ARHGEF9: variants seen among roughly 807,000 people sequenced by gnomAD.
The protein encoded by ARHGEF9 is rho guanine nucleotide exchange factor 9.
ARHGEF9 carries 2 observed loss-of-function variants against 41.3 expected under a neutral mutation model. That is an observed-to-expected ratio of 0.05 (90% CI 0.02 to 0.15). The LOEUF is 0.15. Ranked by LOEUF, ARHGEF9 falls within the 10% of genes least tolerant of loss-of-function variation. The pLI is 1.00. For missense variants in ARHGEF9, 225 were observed against 424.7 expected (o/e 0.53, Z 4.13); for synonymous variants, 160 against 154.4 (o/e 1.04, Z -0.27).
intron 2 of ARHGEF9, among the ~76,000 whole-genome samples, chrX:63,720,121 A>G (rs1251589068): frequency 8.9e-6 from 1 of 111,881 alleles, no homozygotes; most frequent in Admixed American, 9.5e-5. Context: ...TGATCTACAT[A>G]CAAACAGGAG....
intron 1 of ARHGEF9, among the ~76,000 whole-genome samples, chrX:63,759,015 C>G (rs1208122016): frequency 1.8e-5 from 2 of 111,321 alleles, no homozygotes; most frequent in Non-Finnish European, 3.8e-5. Flanking sequence ...TATCTTCCAA[C>G]CACAGAAGGC....
At chrX:63,696,076 T>C (rs2051728784) in intron 4 of ARHGEF9, among the ~76,000 whole-genome samples, 1 of 111,367 alleles carries the variant, frequency 9.0e-6, no homozygotes, top group Non-Finnish European at 1.9e-5. Context: ...ATCATAGCTA[T>C]GAGTATAAAC....
intron 1 of ARHGEF9, among the ~76,000 whole-genome samples, chrX:63,766,470 C>G: frequency 8.9e-6 from 1 of 111,926 alleles, no homozygotes; most frequent in Non-Finnish European, 1.9e-5. Context: ...TGCCTCTGTC[C>G]TCTCTTAGGG....
At chrX:63,718,180 G>A (rs2053427152) in intron 2 of ARHGEF9, among the ~76,000 whole-genome samples, 1 of 111,537 alleles carries the variant, frequency 9.0e-6, no homozygotes, top group Non-Finnish European at 1.9e-5. Flanking sequence ...ACTCCAGGAG[G>A]TGGCTGTTGC....
intron 8 of ARHGEF9, among the ~76,000 whole-genome samples, chrX:63,649,491 A>G (rs1556323532): frequency 8.9e-6 from 1 of 111,902 alleles, no homozygotes. Flanking sequence ...AAAGCAGGAA[A>G]GATCTTAAAT....
chrX:63,749,937 T>C (rs1323027977), intron 1 of ARHGEF9, among the ~76,000 whole-genome samples: 5 of 112,121 alleles, frequency 4.5e-5, no homozygotes, highest in Non-Finnish European at 9.4e-5. Flanking sequence ...GAGCAGATAC[T>C]GGAGAAGCTA....
intron 1 of ARHGEF9, among the ~76,000 whole-genome samples, chrX:63,730,471 C>T (rs782237957): frequency 8.9e-6 from 1 of 112,033 alleles, no homozygotes; most frequent in South Asian, 3.8e-4. Flanking sequence ...GGGGGACCAG[C>T]TCACCCTGTG....
chrX:63,646,856 C>T (rs1292116202), intron 8 of ARHGEF9, among the ~76,000 whole-genome samples: 1 of 111,612 alleles, frequency 9.0e-6, no homozygotes, highest in Non-Finnish European at 1.9e-5. Context: ...TTCTTCCTAC[C>T]CATGAGCATG....
rs1266367831 is a variant in ARHGEF9, at chrX:63,677,654, C to A, written c.815+686G>T. On this transcript the variant is annotated intron_variant, in intron 5 of 9. Transcript: ENST00000671741. ...GAGCTACTCTACTGTCACTCTGGAG[C>A]GCAAGGGGTGAGAGGAGAGGGAATC... Among the ~76,000 whole-genome samples the A allele has an allele frequency of 3.6e-5, 4 of 111,050 alleles. No individual in the cohort carries two copies. In the East Asian group the frequency reaches 1.1e-3, roughly 32 times the overall value.
chrX:63,755,246 T>C, intron 1 of ARHGEF9: 1 of 936,701 alleles, frequency 1.1e-6, no homozygotes, highest in South Asian at 5.9e-5. Context: ...GCACGTTCGC[T>C]GCCCAGGGGC....
intron 1 of ARHGEF9, among the ~76,000 whole-genome samples, chrX:63,737,721 C>T (rs1556424034): frequency 1.8e-5 from 2 of 111,965 alleles, no homozygotes; most frequent in Non-Finnish European, 3.8e-5. Context: ...TGCTAAGTTG[C>T]CTTCATATTC....
chrX:63,780,576 A>T (rs1171050071), intron 1 of ARHGEF9, among the ~76,000 whole-genome samples: 1 of 111,998 alleles, frequency 8.9e-6, no homozygotes, highest in African/African-American at 3.2e-5. Flanking sequence ...ATTTTAAACA[A>T]TGTTAGAAAT....
At chrX:63,702,305 G>A (rs1320904088) in intron 3 of ARHGEF9, among the ~76,000 whole-genome samples, 2 of 112,264 alleles carry the variant, frequency 1.8e-5, no homozygotes, top group Non-Finnish European at 3.8e-5. Flanking sequence ...TTCCTTGATT[G>A]TACTTTGAGT....
intron 1 of ARHGEF9, among the ~76,000 whole-genome samples, chrX:63,779,795 C>T (rs782395624): frequency 2.7e-5 from 3 of 111,823 alleles, no homozygotes; most frequent in East Asian, 2.8e-4. Context: ...TTTCTACAAT[C>T]GCAGGCATAT....
intron 2 of ARHGEF9, chrX:63,719,846 G>A (rs1159614998): frequency 1.0e-5 from 3 of 294,717 alleles, no homozygotes; most frequent in Non-Finnish European, 1.8e-5. Flanking sequence ...GGCTTTCCAG[G>A]CTGTGGCTGC....
At chrX:63,724,843 G>A (rs2053859946) in intron 1 of ARHGEF9, 132 bp from the exon 2 acceptor site, 1 of 621,366 alleles carries the variant, frequency 1.6e-6, no homozygotes, top group South Asian at 2.6e-5. Flanking sequence ...TGAGGGGGAT[G>A]GCACTGGAAC....
At chrX:63,749,889 A>G (rs1490985913) in intron 1 of ARHGEF9, among the ~76,000 whole-genome samples, 1 of 112,205 alleles carries the variant, frequency 8.9e-6, no homozygotes, top group Non-Finnish European at 1.9e-5. Flanking sequence ...TAAATACTCT[A>G]TGGAGCTAGA....
intron 9 of ARHGEF9, chrX:63,640,641 T>C (rs1556304883): frequency 8.9e-6 from 1 of 112,029 alleles, no homozygotes; most frequent in African/African-American, 3.2e-5. Flanking sequence ...GAAAAGGCCT[T>C]TCTTGGAGCT....
chrX:63,701,152 C>T (rs1425680312), intron 3 of ARHGEF9, among the ~76,000 whole-genome samples: 1 of 110,879 alleles, frequency 9.0e-6, no homozygotes, highest in Admixed American at 9.6e-5. Flanking sequence ...ATAAACAATA[C>T]CCAAGATCTC....
Sources: gnomAD v4.1 joint callset for allele counts (sites outside exome capture counted in the v4.1 genomes callset) on GRCh38, gnomAD v4.1.1 for gene constraint, MANE v1.5 for transcripts, NCBI Gene and HGNC (gene_info 2026-07-23, HGNC 2026-07-21) for gene names.